The following ZNF148 variants were observed in gnomAD, a reference collection of about 807,000 sequenced individuals.
The protein encoded by ZNF148 is zinc finger protein 148.
A neutral mutation model predicts 67.7 loss-of-function variants in ZNF148; 7 were observed. The observed-to-expected ratio is 0.10, with a 90% CI of 0.06 to 0.19. The LOEUF is 0.19. Ranked by LOEUF, ZNF148 falls within the 10% of genes least tolerant of loss-of-function variation. The pLI is 1.00. For synonymous variants in ZNF148, 333 were observed against 330.7 expected (o/e 1.01, Z -0.08); for missense variants, 583 against 947.1 (o/e 0.62, Z 5.05).
chr3:125,239,777 G>C (rs1057467473), intron 7 of ZNF148, among the ~76,000 whole-genome samples: 1 of 152,100 alleles, frequency 6.6e-6, no homozygotes, highest in African/African-American at 2.4e-5. Flanking sequence ...CAACCAATAA[G>C]TGAATGAAAA....
intron 1 of ZNF148, among the ~76,000 whole-genome samples, chr3:125,367,947 T>A (rs1222656286): frequency 2.6e-5 from 4 of 152,208 alleles, no homozygotes; most frequent in Admixed American, 6.5e-5. Flanking sequence ...GTAGCTAAAA[T>A]GAAACAGGCA....
intron 1 of ZNF148, among the ~76,000 whole-genome samples, chr3:125,331,842 G>A (rs1209457973): frequency 5.3e-5 from 8 of 152,184 alleles, no homozygotes. Context: ...CATTGGTACT[G>A]CATTGATGCC....
At position 125,229,947 on chromosome 3, in the gene ZNF148, A is replaced by G. The variant is rs1935785612; in HGVS notation, c.*2394T>C. 1.3e-5 allele frequency: 2 copies of G among 152,598 alleles called. No homozygotes were observed. The highest frequency in any genetic ancestry group is 6.6e-5 in the Admixed American group (1 of 15,262). 9.5% of individuals were successfully genotyped at this position (152,598 alleles called of 1,614,324 possible). ...GTAAGTCAATAAGTTATGCTGGCTG[A>G]GTATCACTTATCTAAAAACTGCTTA... On this transcript the variant is annotated 3_prime_UTR_variant, in exon 9 of 9. Coordinates refer to ENST00000360647, the MANE Select transcript of ZNF148 (RefSeq NM_021964.3).
intron 4 of ZNF148, among the ~76,000 whole-genome samples, chr3:125,288,466 A>C (rs762828902): frequency 4.6e-5 from 7 of 151,756 alleles, no homozygotes; most frequent in Non-Finnish European, 8.8e-5. Flanking sequence ...TCTACCTGAG[A>C]AAAAAGATCA....
At chr3:125,268,372 A>G (rs953379452) in intron 7 of ZNF148, among the ~76,000 whole-genome samples, 4 of 152,056 alleles carry the variant, frequency 2.6e-5, no homozygotes, top group African/African-American at 9.7e-5. Flanking sequence ...ACACAAACCA[A>G]TGGAACAGAA....
intron 1 of ZNF148, among the ~76,000 whole-genome samples, chr3:125,374,643 C>T (rs1176372849): frequency 6.6e-6 from 1 of 152,072 alleles, no homozygotes; most frequent in Non-Finnish European, 1.5e-5. Flanking sequence ...CAACCCCTGC[C>T]CTTCCCTTCT....
intron 7 of ZNF148, among the ~76,000 whole-genome samples, chr3:125,241,835 T>C (rs75148847): frequency 0.011 from 1,680 of 152,316 alleles, 30 homozygotes; most frequent in African/African-American, 0.038. Flanking sequence ...ACTAAACTGG[T>C]CTCCACAGGA....
At chr3:125,361,138 A>G (rs965814136) in intron 1 of ZNF148, among the ~76,000 whole-genome samples, 1 of 152,118 alleles carries the variant, frequency 6.6e-6, no homozygotes, top group Non-Finnish European at 1.5e-5. Context: ...CTCTTGCCCA[A>G]TTATTGTGAC....
chr3:125,288,720 C>T (rs757671581), intron 4 of ZNF148, among the ~76,000 whole-genome samples: 1 of 152,018 alleles, frequency 6.6e-6, no homozygotes, highest in African/African-American at 2.4e-5. Context: ...AAAAGAAAGA[C>T]AAATTAACAA....
intron 4 of ZNF148, among the ~76,000 whole-genome samples, chr3:125,308,777 G>A (rs777081032): frequency 2.0e-5 from 3 of 151,904 alleles, no homozygotes; most frequent in Non-Finnish European, 4.4e-5. Flanking sequence ...CAAGAGAAAT[G>A]AAAAAAGACT....
chr3:125,242,902 T>C (rs186160819), intron 7 of ZNF148, among the ~76,000 whole-genome samples: 238 of 152,330 alleles, frequency 1.6e-3, no homozygotes, highest in Non-Finnish European at 2.9e-3. Flanking sequence ...AACCAAAATG[T>C]TTCAATTCAT....
At chr3:125,373,114 C>T (rs1472696324) in intron 1 of ZNF148, among the ~76,000 whole-genome samples, 1 of 151,638 alleles carries the variant, frequency 6.6e-6, no homozygotes, top group African/African-American at 2.4e-5. Context: ...CTTCTCATGC[C>T]ATGATGACAA....
At chr3:125,240,706 G>T (rs1168115870) in intron 7 of ZNF148, among the ~76,000 whole-genome samples, 1 of 151,360 alleles carries the variant, frequency 6.6e-6, no homozygotes, top group Admixed American at 6.6e-5. Flanking sequence ...TGAGGCTGCA[G>T]TGAGCTGTGA....
chr3:125,368,947 A>AAAACAAAC (rs111789209), intron 1 of ZNF148, among the ~76,000 whole-genome samples: 14 of 147,990 alleles, frequency 9.5e-5, no homozygotes, highest in South Asian at 2.2e-4. Flanking sequence ...TCCATCTCAA[A>AAAACAAAC]AAACAAACAA....
chr3:125,283,828 C>T (rs1322290205), intron 5 of ZNF148, among the ~76,000 whole-genome samples: 1 of 152,102 alleles, frequency 6.6e-6, no homozygotes, highest in South Asian at 2.1e-4. Context: ...TGGGAACCAA[C>T]AATATATAAT....
Position 125,331,183 on chromosome 3 carries a change from C to G in ZNF148, c.-178G>C, listed in dbSNP as rs1226067597. 2.5e-6 allele frequency: 1 copy of G among 398,436 alleles called. No individual in the cohort carries two copies. The highest frequency in any genetic ancestry group is 4.4e-6 in the Non-Finnish European group (1 of 226,054). 24.7% of individuals were successfully genotyped at this position (398,436 alleles called of 1,614,324 possible). ...CTCCATTAAATACGTTAGGCAAACGCCCATCCCGCCAGATCACGTGCTTGA... is the reference window on the plus strand; with the variant it reads ...CTCCATTAAATACGTTAGGCAAACGGCCATCCCGCCAGATCACGTGCTTGA... On this transcript the variant is annotated 5_prime_UTR_variant, in exon 2 of 9. Transcript: ENST00000360647.
chr3:125,288,289 C>T, intron 4 of ZNF148, 61 bp from the exon 5 acceptor site: 4 of 1,521,194 alleles, frequency 2.6e-6, no homozygotes, highest in Non-Finnish European at 3.5e-6. Flanking sequence ...TGACAAAAGG[C>T]CATTTTATGT....
intron 3 of ZNF148, among the ~76,000 whole-genome samples, chr3:125,323,027 T>C (rs988667133): frequency 1.3e-5 from 2 of 152,172 alleles, no homozygotes; most frequent in African/African-American, 4.8e-5. Context: ...TAAAAAATGC[T>C]ATACCCTGTT....
At chr3:125,261,972 A>G (rs180963708) in intron 7 of ZNF148, among the ~76,000 whole-genome samples, 526 of 152,260 alleles carry the variant, frequency 3.5e-3, no homozygotes, top group Middle Eastern at 0.014. Context: ...TGAAATTCAA[A>G]CTATGATAAT....
Sources: gnomAD v4.1 joint callset for allele counts (sites outside exome capture counted in the v4.1 genomes callset) on GRCh38, gnomAD v4.1.1 for gene constraint, MANE v1.5 for transcripts, NCBI Gene and HGNC (gene_info 2026-07-23, HGNC 2026-07-21) for gene names.